The following COL16A1 variants were observed in gnomAD, a reference collection of about 807,000 sequenced individuals.
COL16A1 encodes the protein collagen type XVI alpha 1 chain, also known as collagen alpha-1(XVI) chain.
In COL16A1, 189 loss-of-function variants were observed where a neutral mutation model predicts 266.3. The ratio of observed to expected loss-of-function variants is 0.71; its 90% CI spans 0.63 to 0.80. The LOEUF is 0.80. Among genes scored for constraint, COL16A1 ranks in the 30% least tolerant of loss-of-function variants. The pLI is 0.00. For synonymous variants in COL16A1, 740 were observed against 782.3 expected, an observed-to-expected ratio of 0.95 and a Z score of 0.90; for missense variants, 1,928 against 2,122.4, an observed-to-expected ratio of 0.91 and a Z score of 1.80.
chr1:31,681,996 C>G (rs934990778), intron 37 of COL16A1, among the ~76,000 whole-genome samples: 2 of 139,074 alleles, frequency 1.4e-5, no homozygotes, highest in African/African-American at 5.4e-5. Context: ...TCCGCAAAGA[C>G]AGAAGAGGAT....
At chr1:31,681,850 C>G (rs1249611477) in intron 37 of COL16A1, among the ~76,000 whole-genome samples, 11 of 152,220 alleles carry the variant, frequency 7.2e-5, no homozygotes, top group Non-Finnish European at 1.3e-4. Context: ...CTGGGACAGG[C>G]AGGAACCCTG....
intron 42 of COL16A1, 190 bp downstream of exon 42, chr1:31,679,442 T>C: frequency 6.3e-7 from 1 of 1,592,280 alleles, no homozygotes. Flanking sequence ...GTGCTGGGAG[T>C]GCAGAGCCTG....
intron 44 of COL16A1, among the ~76,000 whole-genome samples, chr1:31,674,488 G>A (rs544983280): frequency 6.6e-6 from 1 of 152,354 alleles, no homozygotes; most frequent in African/African-American, 2.4e-5. Context: ...TACAGGCCCT[G>A]GCACAGGCCG....
At chr1:31,655,246 G>A in intron 67 of COL16A1, 68 bp downstream of exon 67, 2 of 1,535,544 alleles carry the variant, frequency 1.3e-6, no homozygotes, top group Admixed American at 2.1e-5. Flanking sequence ...CTTGGAAGAT[G>A]ATCCGAGCTC....
At chr1:31,680,006 C>T (rs879031270) in intron 40 of COL16A1, 36 bp downstream of exon 40, 1 of 1,611,706 alleles carries the variant, frequency 6.2e-7, no homozygotes, top group Non-Finnish European at 8.5e-7. Context: ...TGGTCCTCTC[C>T]CCCAGTTGGG....
chr1:31,686,134 C>G lies in COL16A1; in HGVS notation c.1841G>C (p.Gly614Ala). ...TGCTGGCCCCACTGGTCCTGGTGGC[C>G]CCTGCATGTTAAGACGCTACAGGTA... ...FGEAGPAGSP[G>A]PPGPVGPAGI... Residue 614 changes from glycine to alanine, a missense_variant and splice_region_variant, in exon 28 of 71, where the codon GGG (glycine) becomes GCG (alanine). Physicochemically the swap from Gly to Ala is moderately conservative, Grantham distance 60 (BLOSUM62 0). Coordinates refer to ENST00000373672, the MANE Select transcript of COL16A1 (RefSeq NM_001856.4). 1 of 1,614,096 alleles carries G rather than the reference C, an allele frequency of 6.2e-7. No homozygotes were observed. The highest frequency in any genetic ancestry group is 8.5e-7 in the Non-Finnish European group (1 of 1,180,020).
chr1:31,700,227 A>G lies in COL16A1; in HGVS notation c.74-112T>C, dbSNP rs1027047106. On this transcript the variant is annotated intron_variant, in intron 2 of 70. Transcript: ENST00000373672. ...AAGTTTATAGTCCTCACTCTGGACC[A>G]TCAGCTAGATCCTGCCTTCACCACC... The G allele has an allele frequency of 1.5e-5, 14 of 958,908 alleles. No homozygotes were observed. In the Admixed American group the frequency reaches 2.8e-4, roughly 19 times the overall value. 59.4% of individuals were successfully genotyped at this position (958,908 alleles called of 1,614,324 possible).
At chr1:31,671,518 T>C in intron 48 of COL16A1, 97 bp downstream of exon 48, 1 of 1,508,446 alleles carries the variant, frequency 6.6e-7, no homozygotes, top group Non-Finnish European at 9.1e-7. Flanking sequence ...CCTCCTGCCT[T>C]GCCCAGCCTT....
intron 63 of COL16A1, 137 bp downstream of exon 63, chr1:31,658,777 G>C: frequency 8.6e-7 from 1 of 1,160,410 alleles, no homozygotes; most frequent in Non-Finnish European, 1.2e-6. Context: ...GATCTTTGGA[G>C]GCAGGAGAGG....
intron 19 of COL16A1, 26 bp from the exon 20 acceptor site, chr1:31,691,252 G>C (rs1371707757): frequency 1.9e-6 from 3 of 1,612,998 alleles, no homozygotes; most frequent in Non-Finnish European, 2.5e-6. Flanking sequence ...GAGTCACGTG[G>C]AAGTTTCCAG....
rs537162035 is a variant in COL16A1, at chr1:31,693,260, G to A, written c.1009-106C>T. The stretch of plus-strand genomic sequence containing the variant: ...CCTCCACCCATCCCCCCACACACGG[G>A]TACGCAAATACGCACACATGTGAGC... On this transcript the variant is annotated intron_variant, in intron 12 of 70. Coordinates refer to ENST00000373672, the MANE Select transcript of COL16A1 (RefSeq NM_001856.4). The A allele has an allele frequency of 1.5e-4, 115 of 743,452 alleles. 1 individual carries two copies. The South Asian group carries it at 1.7e-3, about 11-fold the overall frequency. 46.1% of individuals were successfully genotyped at this position (743,452 alleles called of 1,614,324 possible).
chr1:31,695,664 T>C lies in COL16A1; in HGVS notation c.945+97A>G, dbSNP rs1354104536. The C allele has an allele frequency of 5.1e-6, 6 of 1,172,840 alleles. No individual in the cohort carries two copies. The East Asian group carries it at 1.5e-4, about 29-fold the overall frequency. The allele number at this position is 1,172,840 out of a possible 1,614,324, so 72.7% of individuals were successfully genotyped here. A position where few individuals can be genotyped will look rare whatever the true frequency, so the allele number is the denominator to read the frequency against. ...TCAAGGAATGCCAGGAGCTGTGTAG[T>C]CAGCCAGCACCCCTATGCTGAGGAT... On this transcript the variant is annotated intron_variant, in intron 10 of 70. Transcript: ENST00000373672.
At chr1:31,695,833 G>T in intron 9 of COL16A1, 46 bp from the exon 10 acceptor site, 1 of 1,569,718 alleles carries the variant, frequency 6.4e-7, no homozygotes, top group Admixed American at 1.7e-5. Flanking sequence ...GAGCTCAGGG[G>T]GCCGAGCACT....
At position 31,668,045 on chromosome 1, in the gene COL16A1, G is replaced by A. The variant is rs976743280; in HGVS notation, c.3303+120C>T. 6 of 829,838 alleles carry A rather than the reference G, an allele frequency of 7.2e-6. No homozygotes were observed. Among genetic ancestry groups the A allele is most frequent in the Admixed American group, 7.1e-5 (3 of 42,084 alleles). The allele number at this position is 829,838 out of a possible 1,614,324, so 51.4% of individuals were successfully genotyped here. ...TGCATGGACTTTAGGCAAAGGAGGA[G>A]GCTGAAATGCCCGGTAATGGGGAGC... is the stretch of plus-strand genomic sequence containing the variant. On this transcript the variant is annotated intron_variant, in intron 51 of 70. Coordinates refer to ENST00000373672, the MANE Select transcript of COL16A1 (RefSeq NM_001856.4). The surrounding 1 kb of genome is among the most constrained non-coding windows in gnomAD (Gnocchi z 5.8).
intron 16 of COL16A1, 25 bp from the exon 17 acceptor site, chr1:31,692,092 C>T (rs1471335140): frequency 6.2e-7 from 1 of 1,613,296 alleles, no homozygotes; most frequent in Admixed American, 1.7e-5. Flanking sequence ...AGCAGAGTGA[C>T]CAGGATGAGG....
Position 31,671,598 on chromosome 1 carries a change from GCAC to G in COL16A1, c.3150+14_3150+16del, listed in dbSNP as rs1468240641. ...TTGAGAGCTTCTCAAGCAGACCAGG[GCAC>G]CACTGATACTTACGATAGGGCCTGG... is the stretch of plus-strand genomic sequence containing the variant. On this transcript the variant is annotated intron_variant, in intron 48 of 70. Transcript: ENST00000373672. The G allele has an allele frequency of 6.2e-7, 1 of 1,613,908 alleles. No homozygotes were observed. Among genetic ancestry groups the G allele is most frequent in the Non-Finnish European group, 8.5e-7 (1 of 1,179,994 alleles).
chr1:31,679,790 GACAAGCGACAC>G lies in COL16A1; in HGVS notation c.2718+3_2718+13del. 6.3e-7 allele frequency: 1 copy of G among 1,575,288 alleles called. No individual in the cohort carries two copies. The highest frequency in any genetic ancestry group is 8.6e-7 in the Non-Finnish European group (1 of 1,161,104). ...CGCGGGGCGCTGGCGGACAAGAGGA[GACAAGCGACAC>G]ACCTGCGGGCCCGGCTGCCAGGAGC... On this transcript the variant is annotated splice_donor_5th_base_variant and intron_variant, in intron 41 of 70. Coordinates refer to ENST00000373672, the MANE Select transcript of COL16A1 (RefSeq NM_001856.4).
At chr1:31,695,088 C>A (rs1218054956) in intron 11 of COL16A1, 98 bp downstream of exon 11, 1 of 1,257,928 alleles carries the variant, frequency 7.9e-7, no homozygotes, top group African/African-American at 1.5e-5. Flanking sequence ...TGTACAAAGA[C>A]CCCCTTGTCC....
At position 31,657,150 on chromosome 1, in the gene COL16A1, C is replaced by T. The variant is rs962260033; in HGVS notation, c.4021-82G>A. 1.9e-6 allele frequency: 3 copies of T among 1,553,672 alleles called. No homozygotes were observed. Among genetic ancestry groups the T allele is most frequent in the Middle Eastern group, 1.8e-4 (1 of 5,414 alleles). ...TGCCTCACTTTGTACATGGGGCAAGCCCAGCCCCCTGTTCCACCCAGAGGC... is the reference window on the plus strand; with the variant it reads ...TGCCTCACTTTGTACATGGGGCAAGTCCAGCCCCCTGTTCCACCCAGAGGC... On this transcript the variant is annotated intron_variant, in intron 64 of 70. Coordinates refer to ENST00000373672, the MANE Select transcript of COL16A1 (RefSeq NM_001856.4). The surrounding 1 kb of genome is among the most constrained non-coding windows in gnomAD (Gnocchi z 6.4).
Sources: allele counts gnomAD v4.1 joint callset (sites outside exome capture counted in the v4.1 genomes callset), GRCh38; gene constraint gnomAD v4.1.1; non-coding constraint Gnocchi (gnomAD v3.1); transcripts MANE v1.5; gene names NCBI Gene and HGNC (gene_info 2026-07-23, HGNC 2026-07-21).